Variants in PLCB1 observed in about 807,000 individuals in gnomAD.
PLCB1 encodes the protein phospholipase C beta 1.
In PLCB1, 46 loss-of-function variants were observed where a neutral mutation model predicts 161.8. The observed-to-expected ratio is 0.28, with a 90% CI of 0.22 to 0.36. The LOEUF (loss-of-function observed/expected upper bound fraction) is 0.36. Among genes scored for constraint, PLCB1 ranks in the 10% least tolerant of loss-of-function variants. PLCB1 has a pLI of 1.00. For synonymous variants in PLCB1, 517 were observed against 503.7 expected, an observed-to-expected ratio of 1.03 and a Z score of -0.35; for missense variants, 1,016 against 1,472.5, an observed-to-expected ratio of 0.69 and a Z score of 5.07.
At chr20:8,311,334 G>C (rs1286049162) in intron 2 of PLCB1, among the ~76,000 whole-genome samples, 1 of 152,212 alleles carries the variant, frequency 6.6e-6, no homozygotes, top group Non-Finnish European at 1.5e-5. Context: ...GCAGAATTTA[G>C]AAATCATGAA....
At chr20:8,164,546 A>G (rs2051657162) in intron 2 of PLCB1, among the ~76,000 whole-genome samples, 1 of 152,312 alleles carries the variant, frequency 6.6e-6, no homozygotes, top group Non-Finnish European at 1.5e-5. Context: ...AGAATATGTT[A>G]TTGGACATCA....
At chr20:8,290,277 G>A (rs548479739) in intron 2 of PLCB1, among the ~76,000 whole-genome samples, 6 of 152,196 alleles carry the variant, frequency 3.9e-5, no homozygotes, top group Non-Finnish European at 7.3e-5. Context: ...AGGAGATTCC[G>A]AGACAAGGAC....
intron 25 of PLCB1, among the ~76,000 whole-genome samples, 180 bp from the exon 26 acceptor site, chr20:8,764,959 G>A (rs1171928920): frequency 1.3e-5 from 2 of 152,174 alleles, no homozygotes; most frequent in East Asian, 3.8e-4. Context: ...TAGTAACATA[G>A]TCTCAAAGTT....
intron 3 of PLCB1, among the ~76,000 whole-genome samples, chr20:8,467,120 T>A (rs377312895): frequency 6.3e-4 from 96 of 152,168 alleles, no homozygotes; most frequent in African/African-American, 2.3e-3. Flanking sequence ...TTTGTATTTT[T>A]AGTAGAGATG....
chr20:8,859,856 A>G (rs765602411), intron 31 of PLCB1, among the ~76,000 whole-genome samples: 4 of 152,128 alleles, frequency 2.6e-5, no homozygotes, highest in Non-Finnish European at 5.9e-5. Flanking sequence ...AAGACATAAT[A>G]TACTTTTCTC....
At chr20:8,274,498 T>A (rs1020604535) in intron 2 of PLCB1, among the ~76,000 whole-genome samples, 3 of 151,984 alleles carry the variant, frequency 2.0e-5, no homozygotes, top group Non-Finnish European at 4.4e-5. Flanking sequence ...TTTTACACTG[T>A]GTATCTCTAA....
At chr20:8,397,271 G>A (rs1987795310) in intron 3 of PLCB1, among the ~76,000 whole-genome samples, 1 of 151,860 alleles carries the variant, frequency 6.6e-6, no homozygotes, top group Non-Finnish European at 1.5e-5. Flanking sequence ...ATTCCTTATT[G>A]TATGCTTCAC....
intron 3 of PLCB1, among the ~76,000 whole-genome samples, chr20:8,555,363 ACT>A (rs1985916899): frequency 6.6e-6 from 1 of 151,822 alleles, no homozygotes; most frequent in Non-Finnish European, 1.5e-5. Flanking sequence ...GTAGATACAC[ACT>A]CTCCACCTAC....
chr20:8,276,927 T>C (rs1406447492), intron 2 of PLCB1, among the ~76,000 whole-genome samples: 3 of 14,148 alleles, frequency 2.1e-4, no homozygotes, highest in South Asian at 4.8e-3. Flanking sequence ...TCTTCTTCTT[T>C]TCTTCTTCTT....
At chr20:8,732,947 C>T (rs1375708987) in intron 18 of PLCB1, among the ~76,000 whole-genome samples, 2 of 149,044 alleles carry the variant, frequency 1.3e-5, no homozygotes, top group African/African-American at 4.9e-5. Context: ...TTTGAGACAG[C>T]TGTTATAATT....
intron 3 of PLCB1, among the ~76,000 whole-genome samples, chr20:8,434,693 A>G (rs936779908): frequency 5.9e-5 from 9 of 152,172 alleles, no homozygotes; most frequent in Admixed American, 3.9e-4. Flanking sequence ...AGGTTATGCA[A>G]TTTGCTTATG....
intron 23 of PLCB1, among the ~76,000 whole-genome samples, chr20:8,748,232 A>C (rs544417398): frequency 1.3e-5 from 2 of 152,228 alleles, no homozygotes; most frequent in Non-Finnish European, 2.9e-5. Context: ...TTTGGCATTC[A>C]CAATGCACTT....
intron 31 of PLCB1, among the ~76,000 whole-genome samples, chr20:8,822,226 T>C (rs529308124): frequency 3.5e-4 from 53 of 152,336 alleles, no homozygotes; most frequent in African/African-American, 1.2e-3. Context: ...AGTTGGGCAA[T>C]AGAAGGTTGC....
intron 2 of PLCB1, among the ~76,000 whole-genome samples, chr20:8,210,078 C>T (rs749536037): frequency 6.6e-5 from 10 of 151,820 alleles, no homozygotes; most frequent in Non-Finnish European, 1.2e-4. Context: ...CCTGAGCCAC[C>T]GAGCCCAACT....
At chr20:8,724,401 G>T (rs992221267) in intron 15 of PLCB1, among the ~76,000 whole-genome samples, 16 of 152,014 alleles carry the variant, frequency 1.1e-4, no homozygotes, top group Non-Finnish European at 1.8e-4. Flanking sequence ...AAAGGAGGGG[G>T]CAGGGGATAG....
chr20:8,747,863 A>T (rs1209788251), intron 23 of PLCB1, among the ~76,000 whole-genome samples: 4 of 152,168 alleles, frequency 2.6e-5, no homozygotes, highest in Admixed American at 2.6e-4. Context: ...TATGAATTCC[A>T]CCAATAAAAT....
chr20:8,798,734 C>A (rs1568604023), intron 31 of PLCB1, among the ~76,000 whole-genome samples: 1 of 152,174 alleles, frequency 6.6e-6, no homozygotes, highest in Non-Finnish European at 1.5e-5. Context: ...ACAATGACTG[C>A]TGACTCCCCC....
chr20:8,771,084 C>T (rs1263015769), intron 26 of PLCB1, among the ~76,000 whole-genome samples: 4 of 152,116 alleles, frequency 2.6e-5, no homozygotes, highest in African/African-American at 7.2e-5. Flanking sequence ...CTGCCCAATA[C>T]AGGAGCCACT....
intron 7 of PLCB1, among the ~76,000 whole-genome samples, chr20:8,650,487 C>A (rs1483682450): frequency 6.6e-6 from 1 of 152,194 alleles, no homozygotes; most frequent in Non-Finnish European, 1.5e-5. Flanking sequence ...TGAGCTGCTA[C>A]TCTGAGCACA....
Sources: gnomAD v4.1 joint callset for allele counts (sites outside exome capture counted in the v4.1 genomes callset) on GRCh38, gnomAD v4.1.1 for gene constraint, MANE v1.5 for transcripts, NCBI Gene and HGNC (gene_info 2026-07-23, HGNC 2026-07-21) for gene names.